The following CUX2 variants were observed in gnomAD, a reference collection of about 807,000 sequenced individuals.
The protein encoded by CUX2 is homeobox protein cut-like 2.
Under a neutral mutation model 144.8 loss-of-function variants are expected in CUX2, and 40 were observed. The ratio of observed to expected loss-of-function variants is 0.28; its 90% CI spans 0.21 to 0.36. The LOEUF (loss-of-function observed/expected upper bound fraction) is 0.36. Ranked by LOEUF, CUX2 falls within the 10% of genes least tolerant of loss-of-function variation. CUX2 has a pLI of 1.00. For missense variants in CUX2, 1,615 were observed against 1,994.0 expected (o/e 0.81, Z 3.62); for synonymous variants, 827 against 875.6 (o/e 0.94, Z 0.98).
intron 16 of CUX2, among the ~76,000 whole-genome samples, chr12:111,319,527 AG>A (rs1887396247): frequency 7.0e-6 from 1 of 142,142 alleles, no homozygotes; most frequent in South Asian, 2.3e-4. Context: ...ACTTGAGCTC[AG>A]GAGTTCAAGA....
chr12:111,204,738 C>A (rs1880811798), intron 1 of CUX2, among the ~76,000 whole-genome samples: 1 of 152,204 alleles, frequency 6.6e-6, no homozygotes, highest in African/African-American at 2.4e-5. Flanking sequence ...CTAGATGCCA[C>A]TGGGAGAGGG....
At chr12:111,334,406 A>G (rs767314035) in intron 18 of CUX2, 35 bp from the exon 19 acceptor site, 6 of 1,540,600 alleles carry the variant, frequency 3.9e-6, no homozygotes, top group African/African-American at 1.4e-5. Context: ...GTGCCAGATT[A>G]TAGTAACCAC....
At chr12:111,329,704 C>T (rs752614455) in intron 18 of CUX2, among the ~76,000 whole-genome samples, 62 of 152,106 alleles carry the variant, frequency 4.1e-4, no homozygotes, top group Non-Finnish European at 7.8e-4. Flanking sequence ...GGCGCAATCC[C>T]GGCTCACTGC....
At chr12:111,225,462 G>A (rs899291050) in intron 3 of CUX2, among the ~76,000 whole-genome samples, 4 of 152,212 alleles carry the variant, frequency 2.6e-5, no homozygotes, top group Admixed American at 1.3e-4. Context: ...CCTCCTCTCA[G>A]CAACGCAGCC....
rs139364587 is a variant in CUX2 at position 111,065,396 on chromosome 12, C to T, written c.63+31156C>T. On this transcript the variant is annotated intron_variant, in intron 1 of 21. Transcript: ENST00000261726. ...TTGCCCAGGCTGGAGTGCAGTGGCA[C>T]GATCTCGGCTCACTGCAAACTCCGC... 5.9e-3 allele frequency among the ~76,000 whole-genome samples: 895 copies of T among 152,304 alleles called. 10 individuals are homozygous for T. The highest frequency in any genetic ancestry group is 0.02 in the African/African-American group (841 of 41,556).
chr12:111,148,889 C>T (rs750163958), intron 1 of CUX2, among the ~76,000 whole-genome samples: 39 of 152,072 alleles, frequency 2.6e-4, no homozygotes, highest in Non-Finnish European at 5.1e-4. Flanking sequence ...CTCAGCTACT[C>T]GGGAGGCTGA....
At chr12:111,226,522 C>A (rs1304936733) in intron 3 of CUX2, among the ~76,000 whole-genome samples, 3 of 151,926 alleles carry the variant, frequency 2.0e-5, no homozygotes, top group African/African-American at 7.3e-5. Flanking sequence ...ATGCTTTTTT[C>A]CCCCCAGTTA....
rs572580443 is a variant in CUX2 at position 111,290,258 on chromosome 12, G to A, written c.302-1160G>A. Reference sequence around the variant, plus strand: ...TGCACACCCTTGATCCCAGCTACTCGGGAGGCTGAGGCAGGATCACTTGAA... The same window carrying A: ...TGCACACCCTTGATCCCAGCTACTCAGGAGGCTGAGGCAGGATCACTTGAA... On this transcript the variant is annotated intron_variant, in intron 4 of 21. Transcript: ENST00000261726. 3.8e-4 allele frequency among the ~76,000 whole-genome samples: 58 copies of A among 152,176 alleles called. No individual in the cohort carries two copies. The Middle Eastern group carries it at 0.027, about 72-fold the overall frequency.
chr12:111,293,341 G>C lies in CUX2; in HGVS notation c.437-105G>C. 1 of 1,460,110 alleles carries C rather than the reference G, an allele frequency of 6.8e-7. No homozygotes were observed. Among genetic ancestry groups the C allele is most frequent in the South Asian group, 1.4e-5 (1 of 69,316 alleles). 90.4% of individuals were successfully genotyped at this position (1,460,110 alleles called of 1,614,324 possible). ...TGCGCTCTCTCCAAGGCCCAAGTTT[G>C]GGAAATTGATCACAATCAATGATCG... On this transcript the variant is annotated intron_variant, in intron 5 of 21. Coordinates refer to ENST00000261726, the MANE Select transcript of CUX2 (RefSeq NM_015267.4). The surrounding 1 kb of genome is among the most constrained non-coding windows in gnomAD (Gnocchi z 4.5).
chr12:111,045,105 C>T (rs113552184), intron 1 of CUX2, among the ~76,000 whole-genome samples: 196 of 152,334 alleles, frequency 1.3e-3, no homozygotes, highest in African/African-American at 4.5e-3. Context: ...TGTCCTCGGA[C>T]CCGGCTGACA....
At chr12:111,251,034 T>C (rs1449943820) in intron 3 of CUX2, among the ~76,000 whole-genome samples, 2 of 152,086 alleles carry the variant, frequency 1.3e-5, no homozygotes, top group African/African-American at 2.4e-5. Context: ...AAAAGCGAAA[T>C]TTATTTGCAA....
chr12:111,258,240 C>G (rs1008898936), intron 3 of CUX2, among the ~76,000 whole-genome samples: 2 of 152,200 alleles, frequency 1.3e-5, no homozygotes, highest in Non-Finnish European at 2.9e-5. Flanking sequence ...TTAAGGACCG[C>G]GGTGGCTCAC....
chr12:111,220,938 A>C (rs953238306), intron 3 of CUX2, among the ~76,000 whole-genome samples: 3 of 63,770 alleles, frequency 4.7e-5, no homozygotes, highest in African/African-American at 2.9e-4. Flanking sequence ...CTGGTCTCTT[A>C]AAAAAAAAAA....
chr12:111,113,395 G>A (rs754747487), intron 1 of CUX2, among the ~76,000 whole-genome samples: 2 of 151,558 alleles, frequency 1.3e-5, no homozygotes, highest in African/African-American at 2.4e-5. Context: ...ATCACCCCCC[G>A]AAATTTCCTT....
chr12:111,232,909 G>A (rs1882551261), intron 3 of CUX2, among the ~76,000 whole-genome samples: 1 of 152,206 alleles, frequency 6.6e-6, no homozygotes, highest in South Asian at 2.1e-4. Flanking sequence ...TTCGCGGGAA[G>A]ACAGTTGTAA....
intron 1 of CUX2, among the ~76,000 whole-genome samples, chr12:111,036,489 A>G (rs1267252228): frequency 6.6e-6 from 1 of 151,984 alleles, no homozygotes; most frequent in Non-Finnish European, 1.5e-5. Flanking sequence ...TAATCTGGGA[A>G]CCCTTTGTTA....
intron 2 of CUX2, among the ~76,000 whole-genome samples, chr12:111,215,227 G>C (rs1363123265): frequency 1.3e-5 from 2 of 152,116 alleles, no homozygotes; most frequent in Non-Finnish European, 2.9e-5. Context: ...CCTGATTCCA[G>C]CAGTTACACT....
chr12:111,325,666 G>A (rs1592970436), intron 18 of CUX2, among the ~76,000 whole-genome samples: 1 of 113,570 alleles, frequency 8.8e-6, no homozygotes, highest in Non-Finnish European at 1.8e-5. Context: ...TGTGGTGGGG[G>A]AGGGGTGGGT....
intron 9 of CUX2, among the ~76,000 whole-genome samples, chr12:111,299,510 G>T (rs1316140739): frequency 6.6e-6 from 1 of 152,136 alleles, no homozygotes; most frequent in African/African-American, 2.4e-5. Context: ...GGCTGGAAGT[G>T]CTGAGACTCT....
Sources: allele counts gnomAD v4.1 joint callset (sites outside exome capture counted in the v4.1 genomes callset), GRCh38; gene constraint gnomAD v4.1.1; non-coding constraint Gnocchi (gnomAD v3.1); transcripts MANE v1.5; gene names NCBI Gene and HGNC (gene_info 2026-07-23, HGNC 2026-07-21).